MRC1: variants seen among roughly 807,000 people sequenced by gnomAD.
The protein encoded by MRC1 is mannose receptor C-type 1, also known as macrophage mannose receptor 1.
In MRC1, 62 loss-of-function variants were observed where a neutral mutation model predicts 102.9. The ratio of observed to expected loss-of-function variants is 0.60; its 90% confidence interval spans 0.49 to 0.74. The LOEUF (loss-of-function observed/expected upper bound fraction) is 0.74, where lower values mean the gene tolerates loss of function less well. Ranked by LOEUF, MRC1 falls within the 30% of genes least tolerant of loss-of-function variation. The pLI, the probability that MRC1 is intolerant of heterozygous loss-of-function variation, is 0.00. For missense variants in MRC1, 1,237 were observed against 862.8 expected, an observed-to-expected ratio of 1.43 and a Z score of -5.43; for synonymous variants, 457 against 298.4, an observed-to-expected ratio of 1.53 and a Z score of -5.48.
chr10:17,884,796 C>T (rs1418474613), intron 21 of MRC1, among the ~76,000 whole-genome samples: 1 of 152,196 alleles, frequency 6.6e-6, no homozygotes, highest in Non-Finnish European at 1.5e-5. Flanking sequence ...ACCATATCAA[C>T]AGCCTAATGA....
At chr10:17,828,827 T>G (rs1554838854) in intron 3 of MRC1, among the ~76,000 whole-genome samples, 3 of 151,558 alleles carry the variant, frequency 2.0e-5, no homozygotes, top group Non-Finnish European at 4.4e-5. Flanking sequence ...ATTCTTGGTG[T>G]TCTTCCACGC....
chr10:17,866,718 C>A lies in MRC1; in HGVS notation c.1940C>A (p.Pro647Gln). ...KPTTTPEPKCPEDWGASSRTS... is the reference protein window; with the variant it reads ...KPTTTPEPKCQEDWGASSRTS... ...ACGACGACTCCCGAACCCAAATGTCCGGAGGATTGGGGCGCCAGCAGTAGA... is the reference window on the plus strand; with the variant it reads ...ACGACGACTCCCGAACCCAAATGTCAGGAGGATTGGGGCGCCAGCAGTAGA... Residue 647 changes from proline to glutamine, a missense_variant, in exon 12 of 30, where the codon CCG (proline) becomes CAG (glutamine). Coordinates refer to ENST00000569591, the MANE Select transcript of MRC1 (RefSeq NM_002438.4). The A allele has an allele frequency of 1.3e-6, 1 of 780,738 alleles. No homozygotes were observed. The highest frequency in any genetic ancestry group is 2.4e-5 in the East Asian group (1 of 41,228). The allele number at this position is 780,738 out of a possible 1,614,324, so 48.4% of individuals were successfully genotyped here.
At chr10:17,849,426 A>T (rs560776979) in intron 6 of MRC1, among the ~76,000 whole-genome samples, 153 bp from the exon 7 acceptor site, 21 of 152,314 alleles carry the variant, frequency 1.4e-4, no homozygotes, top group Admixed American at 9.2e-4. Flanking sequence ...ATTTTTGGTG[A>T]ATATGTATGC....
At chr10:17,833,279 G>T (rs1838607220) in intron 3 of MRC1, among the ~76,000 whole-genome samples, 1 of 152,044 alleles carries the variant, frequency 6.6e-6, no homozygotes, top group African/African-American at 2.4e-5. Flanking sequence ...CCAGCACTTT[G>T]GGAAGCTGAG....
intron 6 of MRC1, among the ~76,000 whole-genome samples, chr10:17,845,821 G>A (rs1464142618): frequency 1.3e-5 from 2 of 152,094 alleles, no homozygotes; most frequent in African/African-American, 4.8e-5. Context: ...AGGTCCTCAC[G>A]GCTCTATCTG....
chr10:17,875,796 G>C (rs1157357574), intron 17 of MRC1, among the ~76,000 whole-genome samples: 2 of 152,134 alleles, frequency 1.3e-5, no homozygotes, highest in African/African-American at 2.4e-5. Context: ...TGGGATTGCT[G>C]GATCAAATTG....
chr10:17,887,322 C>T (rs965597746), intron 22 of MRC1, among the ~76,000 whole-genome samples: 8 of 152,208 alleles, frequency 5.3e-5, no homozygotes, highest in East Asian at 1.9e-4. Context: ...ACCCCGGAGG[C>T]GGAGCTTGTA....
At chr10:17,832,849 A>G (rs1233347408) in intron 3 of MRC1, among the ~76,000 whole-genome samples, 13 of 152,124 alleles carry the variant, frequency 8.5e-5, no homozygotes, top group African/African-American at 2.6e-4. Context: ...TCGGCCTCCC[A>G]AAGTGCTAGG....
intron 4 of MRC1, among the ~76,000 whole-genome samples, chr10:17,834,952 T>C (rs1158990387): frequency 1.3e-5 from 2 of 152,326 alleles, no homozygotes; most frequent in African/African-American, 4.8e-5. Flanking sequence ...TCTGCTCCTA[T>C]GACTGCCATG....
At chr10:17,857,984 G>C (rs1833120599) in intron 9 of MRC1, among the ~76,000 whole-genome samples, 1 of 152,038 alleles carries the variant, frequency 6.6e-6, no homozygotes, top group Non-Finnish European at 1.5e-5. Context: ...TTCAAGCTGT[G>C]GCAACCCCAC....
intron 3 of MRC1, among the ~76,000 whole-genome samples, chr10:17,830,918 T>G (rs1838560748): frequency 6.6e-6 from 1 of 150,998 alleles, no homozygotes; most frequent in African/African-American, 2.5e-5. Flanking sequence ...AGACAGAGTC[T>G]TGCTCTGTCA....
At chr10:17,907,257 T>C (rs2130725367) in intron 27 of MRC1, among the ~76,000 whole-genome samples, 1 of 152,316 alleles carries the variant, frequency 6.6e-6, no homozygotes, top group South Asian at 2.1e-4. Context: ...TATGTTTTCG[T>C]GGGGCCAGGA....
At position 17,906,936 on chromosome 10, in the gene MRC1, T is replaced by C. The variant is rs1833903455; in HGVS notation, c.3850T>C (p.Tyr1284His). 2.3e-5 allele frequency: 19 copies of C among 829,952 alleles called. No individual in the cohort carries two copies. In the South Asian group the frequency reaches 2.4e-4, roughly 10 times the overall value. The allele number at this position is 829,952 out of a possible 1,614,324, so 51.4% of individuals were successfully genotyped here. A position where few individuals can be genotyped will look rare whatever the true frequency, so the allele number is the denominator to read the frequency against. ...TGCTGCAGAATCCAGTTTTCTGTCA[T>C]ATCGGGTTGAGCCACTTAAAAGTAA... Reference protein sequence around the residue: ...ESAAESSFLSYRVEPLKSKTN... With the variant: ...ESAAESSFLSHRVEPLKSKTN... The change falls in exon 27 of 30, where the codon TAT becomes CAT. Residue 1284 changes from tyrosine (Y) to histidine (H), a missense_variant. Transcript: ENST00000569591.
rs1480863096 is a variant in MRC1 at position 17,823,301 on chromosome 10, T to G, written c.289T>G (p.Phe97Val). ...CTATGCCTGTGACTCAAAAAGTGAA[T>G]TTCAGAAATGGGAGTGCAAAAATGA... is the stretch of plus-strand genomic sequence containing the variant. ...TLYACDSKSEFQKWECKNDTL... is the reference protein window; with the variant it reads ...TLYACDSKSEVQKWECKNDTL... Residue 97 changes from phenylalanine to valine, a missense_variant, in exon 2 of 30, where the codon TTT (phenylalanine) becomes GTT (valine). Physicochemically the swap from Phe to Val is conservative, Grantham distance 50. Coordinates refer to ENST00000569591, the MANE Select transcript of MRC1 (RefSeq NM_002438.4). 1.3e-6 allele frequency: 1 copy of G among 780,670 alleles called. No individual in the cohort carries two copies. The highest frequency in any genetic ancestry group is 2.4e-6 in the Non-Finnish European group (1 of 417,944). 48.4% of individuals were successfully genotyped at this position (780,670 alleles called of 1,614,324 possible).
chr10:17,892,062 G>A (rs1201562079), intron 22 of MRC1, among the ~76,000 whole-genome samples: 1 of 152,172 alleles, frequency 6.6e-6, no homozygotes, highest in Non-Finnish European at 1.5e-5. Context: ...GTTAGTTAAC[G>A]TGTGGTGAAA....
rs976144887 is a variant in MRC1 at position 17,870,772 on chromosome 10, T to A, written c.2112-76T>A. 2.1e-5 allele frequency: 18 copies of A among 840,230 alleles called. No homozygotes were observed. In the African/African-American group the frequency reaches 2.8e-4, roughly 13 times the overall value. The allele number at this position is 840,230 out of a possible 1,614,324, so 52.0% of individuals were successfully genotyped here. A position where few individuals can be genotyped will look rare whatever the true frequency, so the allele number is the denominator to read the frequency against. On this transcript the variant is annotated intron_variant, in intron 13 of 29. Transcript: ENST00000569591. ...TTACGTTTTGGAGGTAACTTTCAAA[T>A]GTGGTTAGTCCTCATAAGTTACTGA...
chr10:17,894,187 T>A (rs1760745581), intron 22 of MRC1, 23 bp from the exon 23 acceptor site: 1 of 870,656 alleles, frequency 1.1e-6, no homozygotes, highest in Non-Finnish European at 2.0e-6. Context: ...TTGTTTTCTT[T>A]TTCTTTCTCC....
rs1447362588 is a variant in MRC1, at chr10:17,809,636, C to A, written c.61+110C>A. On this transcript the variant is annotated intron_variant, in intron 1 of 29. Coordinates refer to ENST00000569591, the MANE Select transcript of MRC1 (RefSeq NM_002438.4). Reference sequence around the variant, plus strand: ...TTTCAACATCTTTGTGAGGAGGAAACGGGGTTCCCCTGCACCACGCAGTCC... The same window carrying A: ...TTTCAACATCTTTGTGAGGAGGAAAAGGGGTTCCCCTGCACCACGCAGTCC... 3 of 810,866 alleles carry A rather than the reference C, an allele frequency of 3.7e-6. No individual in the cohort carries two copies. In the East Asian group the frequency reaches 7.3e-5, roughly 20 times the overall value. The allele number at this position is 810,866 out of a possible 1,614,324, so 50.2% of individuals were successfully genotyped here. A position where few individuals can be genotyped will look rare whatever the true frequency, so the allele number is the denominator to read the frequency against.
rs1041177555 is a variant in MRC1, at chr10:17,866,732, G to A, written c.1954G>A (p.Ala652Thr). 24 of 780,692 alleles carry A rather than the reference G, an allele frequency of 3.1e-5. No individual in the cohort carries two copies. The highest frequency in any genetic ancestry group is 2.2e-4 in the Middle Eastern group (1 of 4,456). 48.4% of individuals were successfully genotyped at this position (780,692 alleles called of 1,614,324 possible). The change falls in exon 12 of 30, where the codon GCC becomes ACC. Residue 652 changes from alanine (A) to threonine (T), a missense_variant. Coordinates refer to ENST00000569591, the MANE Select transcript of MRC1 (RefSeq NM_002438.4). The stretch of plus-strand genomic sequence containing the variant: ...ACCCAAATGTCCGGAGGATTGGGGC[G>A]CCAGCAGTAGAACAAGCTTGTGTTT... ...PEPKCPEDWG[A>T]SSRTSLCFKL...
Sources: gnomAD v4.1 joint callset for allele counts (sites outside exome capture counted in the v4.1 genomes callset) on GRCh38, gnomAD v4.1.1 for gene constraint, MANE v1.5 for transcripts, NCBI Gene and HGNC (gene_info 2026-07-23, HGNC 2026-07-21) for gene names.